The following DYNC2I1 variants were observed in gnomAD, a reference collection of about 807,000 sequenced individuals.
DYNC2I1 encodes dynein 2 intermediate chain 1.
In DYNC2I1, 89 loss-of-function variants were observed where a neutral mutation model predicts 133.4. That is an observed-to-expected ratio of 0.67 (90% confidence interval 0.56 to 0.80). The LOEUF (loss-of-function observed/expected upper bound fraction) is 0.80, where lower values mean the gene tolerates loss of function less well. DYNC2I1 is among the 30% of genes least tolerant of loss of function. DYNC2I1 has a pLI of 0.00. For missense variants in DYNC2I1, 1,291 were observed against 1,314.5 expected, an observed-to-expected ratio of 0.98 and a Z score of 0.28; for synonymous variants, 504 against 484.3, an observed-to-expected ratio of 1.04 and a Z score of -0.54.
At position 158,914,304 on chromosome 7, in the gene DYNC2I1, C is replaced by T; in HGVS notation, c.1774C>T (p.Leu592=). The change falls in exon 14 of 25, where the codon CTG becomes TTG. Residue 592 remains leucine, a synonymous_variant. Transcript: ENST00000407559. ...TGATACTCCAAGGTTATGTAGCTTT[C>T]TGCGGGCTGCTTGTCAGGTATACTC... ...KIDTPRLCSF[L]RAACQVMAVL... is the part of the protein sequence containing the mutation. 6.2e-7 allele frequency: 1 copy of T among 1,611,568 alleles called. No homozygotes were observed. The highest frequency in any genetic ancestry group is 8.5e-7 in the Non-Finnish European group (1 of 1,178,760).
At chr7:158,879,566 C>A (rs957128246) in intron 4 of DYNC2I1, 118 bp from the exon 5 acceptor site, 92 of 1,099,796 alleles carry the variant, frequency 8.4e-5, no homozygotes, top group Non-Finnish European at 1.1e-4. Context: ...CGATTTTCTT[C>A]AAATGTTTTT....
chr7:158,934,262 AT>A lies in DYNC2I1; in HGVS notation c.2646+36del. On this transcript the variant is annotated intron_variant, in intron 22 of 24. Coordinates refer to ENST00000407559, the MANE Select transcript of DYNC2I1 (RefSeq NM_018051.5). ...TATTTTAAATTTAATCCTATTACTC[AT>A]TCTCCTTGTTTTCCTGACTTACCTG... is the stretch of plus-strand genomic sequence containing the variant. 4 of 1,573,416 alleles carry A rather than the reference AT, an allele frequency of 2.5e-6. No homozygotes were observed. The South Asian group carries it at 4.7e-5, about 18-fold the overall frequency.
chr7:158,939,677 G>A (rs1043621387), intron 23 of DYNC2I1, among the ~76,000 whole-genome samples: 5 of 152,112 alleles, frequency 3.3e-5, no homozygotes, highest in Admixed American at 2.0e-4. Context: ...GGCATAGAAT[G>A]GCTGAATGGT....
At chr7:158,947,689 G>C (rs146108851), downstream of DYNC2I1, among the ~76,000 whole-genome samples, 1 of 152,192 alleles carries the variant, frequency 6.6e-6, no homozygotes, top group Non-Finnish European at 1.5e-5. Flanking sequence ...TCCTCCTGAC[G>C]TGAGCCTCCT....
At chr7:158,915,400 C>G (rs200655472) in intron 14 of DYNC2I1, among the ~76,000 whole-genome samples, 4,424 of 32,034 alleles carry the variant, frequency 0.14, 28 homozygotes, top group South Asian at 0.18. Flanking sequence ...TGCTGGTTGA[C>G]ATTAAGGATG....
At chr7:158,891,200 T>A (rs957154747) in intron 7 of DYNC2I1, 65 bp from the exon 8 acceptor site, 6 of 1,575,160 alleles carry the variant, frequency 3.8e-6, no homozygotes, top group East Asian at 4.5e-5. Context: ...GGGGGGGAGC[T>A]GCGTGGCGTG....
intron 7 of DYNC2I1, among the ~76,000 whole-genome samples, chr7:158,889,361 T>G (rs1844956368): frequency 1.3e-5 from 2 of 151,404 alleles, no homozygotes; most frequent in Non-Finnish European, 2.9e-5. Flanking sequence ...ATTACAGGTG[T>G]GAGCCACCAC....
At chr7:158,841,985 C>A in the DYNC2I1 span, among the ~76,000 whole-genome samples, 3 of 152,122 alleles carry the variant, frequency 2.0e-5, no homozygotes, top group African/African-American at 4.8e-5. Flanking sequence ...GGGGCATCCA[C>A]GTCGTGTGTG....
intron 7 of DYNC2I1, among the ~76,000 whole-genome samples, chr7:158,888,749 C>T (rs535704611): frequency 2.6e-5 from 4 of 152,164 alleles, no homozygotes; most frequent in East Asian, 1.9e-4. Context: ...GGATTACAGG[C>T]GTGAGCCACT....
rs570812953 is a variant in DYNC2I1 at position 158,944,254 on chromosome 7, A to C, written c.3003-1327A>C. On this transcript the variant is annotated intron_variant, in intron 24 of 24. Coordinates refer to ENST00000407559, the MANE Select transcript of DYNC2I1 (RefSeq NM_018051.5). ...TTGTGGTGGCTCAGTGTTGGGCCCA[A>C]CTTTTGCTTTTGTCCTCTGCCCTCT... Among the ~76,000 whole-genome samples, 7 of 152,146 alleles carry C rather than the reference A, an allele frequency of 4.6e-5. No homozygotes were observed. In the East Asian group the frequency reaches 1.4e-3, roughly 30 times the overall value.
At chr7:158,953,172 C>T (rs112311668) in intron 4 of DYNC2I1, among the ~76,000 whole-genome samples, 3 of 124,744 alleles carry the variant, frequency 2.4e-5, no homozygotes, top group East Asian at 3.3e-4. Flanking sequence ...CATGTGGCTG[C>T]TCCTACCCTC....
rs182735466 is a variant in DYNC2I1 at position 158,856,606 on chromosome 7, C to T, written c.-130C>T. On this transcript the variant is annotated 5_prime_UTR_variant, in exon 1 of 25. Coordinates refer to ENST00000407559, the MANE Select transcript of DYNC2I1 (RefSeq NM_018051.5). Reference sequence around the variant, plus strand: ...GGCAGTGCTTCTGGGCCCTCTGCTGCTCCTGCTTGTCGGTTGCTAGGCGCT... The same window carrying T: ...GGCAGTGCTTCTGGGCCCTCTGCTGTTCCTGCTTGTCGGTTGCTAGGCGCT... 4.6e-3 allele frequency: 4,447 copies of T among 972,698 alleles called. 127 individuals are homozygous for T. The East Asian group carries it at 0.048, about 10-fold the overall frequency. 60.3% of individuals were successfully genotyped at this position (972,698 alleles called of 1,614,324 possible).
At chr7:158,898,860 GT>G (rs1244102951) in intron 8 of DYNC2I1, among the ~76,000 whole-genome samples, 1 of 149,336 alleles carries the variant, frequency 6.7e-6, no homozygotes, top group East Asian at 1.9e-4. Context: ...TAGCATATCA[GT>G]TAAAGGTTGT....
chr7:158,841,402 G>A, the DYNC2I1 span, among the ~76,000 whole-genome samples: 157 of 151,778 alleles, frequency 1.0e-3, 1 homozygote, highest in African/African-American at 3.7e-3. Flanking sequence ...TGGTAGAGAC[G>A]AGGTTTCACC....
intron 7 of DYNC2I1, among the ~76,000 whole-genome samples, chr7:158,889,056 CA>C (rs1475198647): frequency 1.1e-4 from 17 of 150,664 alleles, no homozygotes; most frequent in Non-Finnish European, 2.1e-4. Flanking sequence ...CACACACACA[CA>C]CACACACACC....
chr7:158,862,989 G>A (rs1286650251), intron 1 of DYNC2I1, among the ~76,000 whole-genome samples: 1 of 152,040 alleles, frequency 6.6e-6, no homozygotes, highest in Non-Finnish European at 1.5e-5. Context: ...GACCTTTGCA[G>A]TGAGTGTTAC....
chr7:158,895,922 C>T (rs984816319), intron 8 of DYNC2I1, among the ~76,000 whole-genome samples: 2 of 152,162 alleles, frequency 1.3e-5, no homozygotes, highest in African/African-American at 2.4e-5. Context: ...AGATTATACT[C>T]GTTCCTTGCT....
intron 15 of DYNC2I1, among the ~76,000 whole-genome samples, chr7:158,920,127 C>T (rs1848889873): frequency 6.7e-6 from 1 of 150,144 alleles, no homozygotes; most frequent in African/African-American, 2.5e-5. Context: ...GTGTGTACCA[C>T]AGCGTGTGGC....
intron 14 of DYNC2I1, among the ~76,000 whole-genome samples, chr7:158,917,426 C>G (rs1215075570): frequency 4.2e-5 from 3 of 72,196 alleles, no homozygotes; most frequent in Non-Finnish European, 8.0e-5. Flanking sequence ...CCTCCACACT[C>G]CACCCTCCGC....
Sources: allele counts gnomAD v4.1 joint callset (sites outside exome capture counted in the v4.1 genomes callset), GRCh38; gene constraint gnomAD v4.1.1; transcripts MANE v1.5; gene names NCBI Gene and HGNC (gene_info 2026-07-23, HGNC 2026-07-21).